Variants in GRM3 observed in about 807,000 individuals in gnomAD.
GRM3 encodes the protein metabotropic glutamate receptor 3.
Under a neutral mutation model 70.5 loss-of-function variants are expected in GRM3, and 26 were observed. The observed-to-expected ratio is 0.37, with a 90% CI of 0.27 to 0.51. GRM3 has a LOEUF of 0.51. GRM3 is among the 20% of genes least tolerant of loss of function. The pLI is 0.93. For missense variants in GRM3, 859 were observed against 1,123.8 expected, an observed-to-expected ratio of 0.76 and a Z score of 3.37; for synonymous variants, 443 against 434.9, an observed-to-expected ratio of 1.02 and a Z score of -0.23.
intron 1 of GRM3, among the ~76,000 whole-genome samples, chr7:86,753,787 C>A (rs1796283824): frequency 6.6e-6 from 1 of 152,178 alleles, no homozygotes; most frequent in Non-Finnish European, 1.5e-5. Context: ...AAATTTACCA[C>A]CAGTGGTGTG....
At chr7:86,801,116 A>C (rs994849613) in intron 3 of GRM3, among the ~76,000 whole-genome samples, 1 of 125,870 alleles carries the variant, frequency 7.9e-6, no homozygotes, top group Non-Finnish European at 1.6e-5. Context: ...TGCCACCCCA[A>C]CTGGAGTGCA....
At chr7:86,810,951 T>TTCATCTAG (rs1309538643) in intron 3 of GRM3, among the ~76,000 whole-genome samples, 1 of 151,978 alleles carries the variant, frequency 6.6e-6, no homozygotes, top group Non-Finnish European at 1.5e-5. Context: ...TCATCAAAAT[T>TTCATCTAG]TCATCTAGTC....
At chr7:86,775,503 T>C (rs1206237268) in intron 2 of GRM3, among the ~76,000 whole-genome samples, 1 of 152,068 alleles carries the variant, frequency 6.6e-6, no homozygotes, top group East Asian at 1.9e-4. Flanking sequence ...CCTGATTCAT[T>C]CCTTTCAAGT....
intron 1 of GRM3, among the ~76,000 whole-genome samples, chr7:86,665,863 G>A (rs1584149025): frequency 6.6e-6 from 1 of 152,030 alleles, no homozygotes; most frequent in South Asian, 2.1e-4. Flanking sequence ...ATTTTTAAAT[G>A]TTAACTCAGA....
intron 4 of GRM3, among the ~76,000 whole-genome samples, chr7:86,844,705 G>A (rs1408613574): frequency 1.3e-5 from 2 of 152,134 alleles, no homozygotes; most frequent in African/African-American, 4.8e-5. Context: ...AGAAGTAGAG[G>A]TAGAACCTGT....
intron 5 of GRM3, among the ~76,000 whole-genome samples, chr7:86,858,058 A>G (rs1469150401): frequency 6.6e-6 from 1 of 151,704 alleles, no homozygotes; most frequent in African/African-American, 2.4e-5. Context: ...CTGGGTTTAC[A>G]CCATTCTCCT....
intron 1 of GRM3, among the ~76,000 whole-genome samples, chr7:86,655,820 C>G (rs1327802020): frequency 6.9e-6 from 1 of 144,442 alleles, no homozygotes; most frequent in Non-Finnish European, 1.5e-5. Flanking sequence ...AAGGCTAACT[C>G]TGTGTGTGTG....
chr7:86,772,619 C>T (rs1041505014), intron 2 of GRM3, among the ~76,000 whole-genome samples: 1 of 152,048 alleles, frequency 6.6e-6, no homozygotes, highest in African/African-American at 2.4e-5. Flanking sequence ...GTCCTCTTAT[C>T]TAGCTGTCTG....
In GRM3 at chr7:86,679,830, G is replaced by A. The variant is rs184591756; in HGVS notation, c.-141+34958G>A. On this transcript the variant is annotated intron_variant, in intron 1 of 5. Transcript: ENST00000361669. Reference sequence around the variant, plus strand: ...CCTAAAAATAAGAATCATTTCAGTGGCTATATCAGGATACCCAGTACAGAA... The same window carrying A: ...CCTAAAAATAAGAATCATTTCAGTGACTATATCAGGATACCCAGTACAGAA... Among the ~76,000 whole-genome samples the A allele has an allele frequency of 3.5e-3, 535 of 152,072 alleles. 5 individuals carry two copies. Among genetic ancestry groups the A allele is most frequent in the Non-Finnish European group, 5.0e-3 (341 of 67,980 alleles).
intron 1 of GRM3, among the ~76,000 whole-genome samples, chr7:86,651,799 G>GA (rs1288082259): frequency 2.0e-5 from 3 of 151,964 alleles, no homozygotes; most frequent in Non-Finnish European, 4.4e-5. Flanking sequence ...ACGTCCCCTT[G>GA]AAAAAAATGT....
chr7:86,777,132 C>T (rs1217429642), intron 2 of GRM3, among the ~76,000 whole-genome samples: 3 of 152,130 alleles, frequency 2.0e-5, no homozygotes, highest in Non-Finnish European at 4.4e-5. Flanking sequence ...AGAAATATGA[C>T]ATGTCTTTTA....
chr7:86,851,821 A>G (rs1217560176), intron 5 of GRM3, among the ~76,000 whole-genome samples: 1 of 152,166 alleles, frequency 6.6e-6, no homozygotes, highest in Non-Finnish European at 1.5e-5. Context: ...TGGATCTTAG[A>G]GAAATATGTT....
At chr7:86,703,128 T>C (rs560656794) in intron 1 of GRM3, among the ~76,000 whole-genome samples, 34 of 152,112 alleles carry the variant, frequency 2.2e-4, no homozygotes, top group African/African-American at 8.2e-4. Context: ...ATAAATGTCT[T>C]AAAAAGACAT....
At chr7:86,743,928 T>C (rs143672607) in intron 1 of GRM3, among the ~76,000 whole-genome samples, 129 of 152,282 alleles carry the variant, frequency 8.5e-4, no homozygotes, top group African/African-American at 3.0e-3. Context: ...TGAAAGGTTT[T>C]ATATCCTTTA....
At position 86,827,187 on chromosome 7, in the gene GRM3, C is replaced by T. The variant is rs1424947325; in HGVS notation, c.1325-11652C>T. On this transcript the variant is annotated intron_variant, in intron 3 of 5. Transcript: ENST00000361669. ...AAGGAGAGCTGATACCTTAAAGATA[C>T]AATATTCTTCTGAAATGTTTTTCAG... is the stretch of plus-strand genomic sequence containing the variant. 3.9e-5 allele frequency among the ~76,000 whole-genome samples: 6 copies of T among 152,150 alleles called. No homozygotes were observed. In the East Asian group the frequency reaches 1.2e-3, roughly 29 times the overall value.
intron 3 of GRM3, among the ~76,000 whole-genome samples, chr7:86,838,500 A>G (rs1273120668): frequency 6.6e-6 from 1 of 152,230 alleles, no homozygotes; most frequent in Non-Finnish European, 1.5e-5. Flanking sequence ...TCCAATTCTT[A>G]TCATGAAGTC....
chr7:86,731,087 T>C (rs1480117853), intron 1 of GRM3, among the ~76,000 whole-genome samples: 1 of 151,946 alleles, frequency 6.6e-6, no homozygotes, highest in South Asian at 2.1e-4. Context: ...ATTAGTGCTA[T>C]GATTTCAATC....
chr7:86,733,739 A>G (rs752805045), intron 1 of GRM3, among the ~76,000 whole-genome samples: 3 of 152,186 alleles, frequency 2.0e-5, no homozygotes, highest in Non-Finnish European at 4.4e-5. Flanking sequence ...AATCATGGAC[A>G]GTTTCAACAT....
At chr7:86,677,689 A>G (rs754014831) in intron 1 of GRM3, among the ~76,000 whole-genome samples, 5 of 152,016 alleles carry the variant, frequency 3.3e-5, no homozygotes, top group Non-Finnish European at 5.9e-5. Flanking sequence ...GCTTGGGAAA[A>G]GGTAAATATG....
Sources: gnomAD v4.1 joint callset for allele counts (sites outside exome capture counted in the v4.1 genomes callset) on GRCh38, gnomAD v4.1.1 for gene constraint, MANE v1.5 for transcripts, NCBI Gene and HGNC (gene_info 2026-07-23, HGNC 2026-07-21) for gene names.